WDFY3: variants seen among roughly 807,000 people sequenced by gnomAD.
WDFY3 encodes WD repeat and FYVE domain containing 3.
In WDFY3, 66 loss-of-function variants were observed where a neutral mutation model predicts 409.6. The ratio of observed to expected loss-of-function variants is 0.16; its 90% CI spans 0.13 to 0.20. The LOEUF (loss-of-function observed/expected upper bound fraction) is 0.20, where lower values mean the gene tolerates loss of function less well. WDFY3 is among the 10% of genes least tolerant of loss of function. The pLI is 1.00. For missense variants in WDFY3, 3,031 were observed against 4,298.1 expected, an observed-to-expected ratio of 0.71 and a Z score of 8.24; for synonymous variants, 1,521 against 1,537.1, an observed-to-expected ratio of 0.99 and a Z score of 0.25.
intron 2 of WDFY3, among the ~76,000 whole-genome samples, chr4:84,919,599 C>G (rs1216568944): frequency 6.6e-6 from 1 of 152,082 alleles, no homozygotes; most frequent in Admixed American, 6.5e-5. Flanking sequence ...GGGGTGGTTA[C>G]CTCCATGTTG....
At chr4:84,699,159 C>T (rs1162502114) in intron 56 of WDFY3, among the ~76,000 whole-genome samples, 1 of 151,886 alleles carries the variant, frequency 6.6e-6, no homozygotes, top group Non-Finnish European at 1.5e-5. Context: ...CTATCTAGTC[C>T]CAAAGCATTT....
chr4:84,814,425 T>C (rs1263739441), intron 13 of WDFY3, among the ~76,000 whole-genome samples: 2 of 152,204 alleles, frequency 1.3e-5, no homozygotes, highest in Non-Finnish European at 2.9e-5. Flanking sequence ...TCCTTCGTTT[T>C]AGTTACCTGT....
chr4:84,802,236 C>T (rs1056643760), intron 16 of WDFY3, among the ~76,000 whole-genome samples: 4 of 151,586 alleles, frequency 2.6e-5, no homozygotes, highest in East Asian at 3.9e-4. Flanking sequence ...CGTGAGCCAC[C>T]GCACCCGGCA....
intron 37 of WDFY3, among the ~76,000 whole-genome samples, chr4:84,742,644 A>T (rs1422865345): frequency 6.6e-6 from 1 of 152,182 alleles, no homozygotes; most frequent in Non-Finnish European, 1.5e-5. Flanking sequence ...TCATATCAGC[A>T]GCGGCATTAG....
chr4:84,939,697 T>C (rs946968063), intron 1 of WDFY3, among the ~76,000 whole-genome samples: 10 of 152,030 alleles, frequency 6.6e-5, no homozygotes, highest in Non-Finnish European at 1.3e-4. Context: ...GGAATGCCAA[T>C]AGGCTTCTTG....
chr4:84,817,452 G>A lies in WDFY3; in HGVS notation c.1827C>T (p.Leu609=), dbSNP rs774439009. 33 of 1,613,802 alleles carry A rather than the reference G, an allele frequency of 2.0e-5. 1 individual carries two copies. The South Asian group carries it at 3.6e-4, about 18-fold the overall frequency. Residue 609 remains leucine, a synonymous_variant, in exon 13 of 68, where the codon CTC becomes CTT. Coordinates refer to ENST00000295888, the MANE Select transcript of WDFY3 (RefSeq NM_014991.6). ...GTGGGGCTGAATGCATTAGCCCCAGGAGAGTGCCCATGTCATCGTCCCCAT... is the reference window on the plus strand; with the variant it reads ...GTGGGGCTGAATGCATTAGCCCCAGAAGAGTGCCCATGTCATCGTCCCCAT... ...SPNGDDDMGT[L]LGLMHSAPPT...
At chr4:84,901,125 C>T (rs1766283738) in intron 2 of WDFY3, among the ~76,000 whole-genome samples, 1 of 152,108 alleles carries the variant, frequency 6.6e-6, no homozygotes, top group Non-Finnish European at 1.5e-5. Context: ...CATAAAGGCT[C>T]GTTTAGAAGG....
At chr4:84,748,454 T>A (rs1739903630) in intron 36 of WDFY3, among the ~76,000 whole-genome samples, 1 of 152,144 alleles carries the variant, frequency 6.6e-6, no homozygotes, top group East Asian at 1.9e-4. Context: ...ATATATTTAA[T>A]CCTCACAATA....
chr4:84,803,894 T>G (rs542791858), intron 15 of WDFY3: 1 of 156,654 alleles, frequency 6.4e-6, no homozygotes, highest in African/African-American at 2.4e-5. Context: ...TATATGTGTT[T>G]TAACCTTTCC....
intron 13 of WDFY3, among the ~76,000 whole-genome samples, chr4:84,812,391 A>C (rs1365868978): frequency 6.6e-6 from 1 of 152,116 alleles, no homozygotes; most frequent in Non-Finnish European, 1.5e-5. Context: ...ACACAGGCTG[A>C]AGATGGCTGA....
At chr4:84,713,544 A>G (rs182471009) in intron 50 of WDFY3, among the ~76,000 whole-genome samples, 56 of 152,344 alleles carry the variant, frequency 3.7e-4, no homozygotes, top group African/African-American at 1.2e-3. Flanking sequence ...CAACATCCAC[A>G]GGCCCTTTAT....
At chr4:84,737,139 A>G (rs764594201) in intron 41 of WDFY3, 45 bp downstream of exon 41, 3 of 1,606,780 alleles carry the variant, frequency 1.9e-6, no homozygotes, top group South Asian at 1.1e-5. Context: ...CATATATGAT[A>G]GCCACATGTA....
Position 84,831,428 on chromosome 4 carries a change from C to T in WDFY3, c.754G>A (p.Val252Met). Residue 252 changes from valine (V) to methionine (M), a missense_variant, in exon 8 of 68, where the codon GTG (valine) becomes ATG (methionine). Physicochemically the swap from Val to Met is conservative, Grantham distance 21. Around this residue, in one of 16 missense-constraint regions of WDFY3, gnomAD observed 1,322 missense variants for 1,697.9 expected, o/e 0.78. Transcript: ENST00000295888. ...AGATATTCACCATGAATATACTTCACTACATTGACACTAAGACCATGACGA... is the reference window on the plus strand; with the variant it reads ...AGATATTCACCATGAATATACTTCATTACATTGACACTAAGACCATGACGA... The part of the protein sequence containing the change: ...ISRHGLSVNV[V>M]KYIHEKECLS... 2 of 1,609,330 alleles carry T rather than the reference C, an allele frequency of 1.2e-6. No homozygotes were observed. Among genetic ancestry groups the T allele is most frequent in the Non-Finnish European group, 1.7e-6 (2 of 1,177,700 alleles).
chr4:84,908,813 T>C (rs980121910), intron 2 of WDFY3, among the ~76,000 whole-genome samples: 4 of 152,110 alleles, frequency 2.6e-5, no homozygotes, highest in East Asian at 3.8e-4. Flanking sequence ...TGTTCTAAGG[T>C]TGAAACTCTT....
At chr4:84,959,772 A>T (rs949303573) in intron 1 of WDFY3, among the ~76,000 whole-genome samples, 1 of 152,230 alleles carries the variant, frequency 6.6e-6, no homozygotes, top group Admixed American at 6.5e-5. Flanking sequence ...TATCCCAGCA[A>T]AAAATCAGTG....
chr4:84,695,679 T>G (rs1427297106), intron 58 of WDFY3, among the ~76,000 whole-genome samples: 2 of 152,170 alleles, frequency 1.3e-5, no homozygotes, highest in African/African-American at 4.8e-5. Context: ...AAACCTTGTC[T>G]CTGTGTATGT....
intron 1 of WDFY3, among the ~76,000 whole-genome samples, chr4:84,954,121 A>G (rs1773954079): frequency 6.6e-6 from 1 of 152,200 alleles, no homozygotes; most frequent in Non-Finnish European, 1.5e-5. Flanking sequence ...TCTTTAGGAA[A>G]AAAAGCTTAC....
intron 50 of WDFY3, among the ~76,000 whole-genome samples, chr4:84,714,553 G>C (rs554833093): frequency 3.9e-5 from 6 of 152,274 alleles, no homozygotes; most frequent in Admixed American, 3.9e-4. Flanking sequence ...CCAGAGAAAA[G>C]TCCCACATGA....
chr4:84,789,060 A>C (rs1162329281), intron 22 of WDFY3, among the ~76,000 whole-genome samples: 1 of 152,070 alleles, frequency 6.6e-6, no homozygotes, highest in Non-Finnish European at 1.5e-5. Flanking sequence ...AATAAAATAA[A>C]ATGAATACTA....
Sources: gnomAD v4.1 joint callset for allele counts (sites outside exome capture counted in the v4.1 genomes callset) on GRCh38, gnomAD v4.1.1 for gene constraint, gnomAD v4.1.1 regional missense constraint, MANE v1.5 for transcripts, NCBI Gene and HGNC (gene_info 2026-07-23, HGNC 2026-07-21) for gene names.